Variants in ATP6V1E1 observed in about 807,000 individuals in gnomAD.
ATP6V1E1 encodes the protein V-type proton ATPase subunit E 1.
ATP6V1E1 carries 21 observed loss-of-function variants against 35.2 expected under a neutral mutation model. That is an observed-to-expected ratio of 0.60 (90% confidence interval 0.42 to 0.86). The LOEUF (loss-of-function observed/expected upper bound fraction) is 0.86. Ranked by LOEUF, ATP6V1E1 falls within the 40% of genes least tolerant of loss-of-function variation. The pLI is 0.00. For missense variants in ATP6V1E1, 183 were observed against 272.6 expected (o/e 0.67, Z 2.32); for synonymous variants, 83 against 87.8 (o/e 0.95, Z 0.30).
At position 17,605,081 on chromosome 22, in the gene ATP6V1E1, G is replaced by A. The variant is rs1230589680; in HGVS notation, c.277-3900C>T. ...AAATACAAAAAATTAGTAGGGCATG[G>A]TGAATCCCAGCTACTGGGGAGGCTG... On this transcript the variant is annotated intron_variant, in intron 4 of 8. Coordinates refer to ENST00000253413, the MANE Select transcript of ATP6V1E1 (RefSeq NM_001696.4). Among the ~76,000 whole-genome samples, 5 of 150,510 alleles carry A rather than the reference G, an allele frequency of 3.3e-5. No homozygotes were observed. In the East Asian group the frequency reaches 9.9e-4, roughly 30 times the overall value.
chr22:17,618,093 A>G (rs2057855845), intron 2 of ATP6V1E1, among the ~76,000 whole-genome samples: 1 of 152,230 alleles, frequency 6.6e-6, no homozygotes, highest in Admixed American at 6.5e-5. Flanking sequence ...TACAGGCGTG[A>G]GCCACCAATC....
Position 17,592,538 on chromosome 22 carries a change from AG to A in ATP6V1E1, c.*135del. ...CAATTAGGCAAGGCATGAGTGACAG[AG>A]GGGCATCGCTGATAAATACAGAGCA... On this transcript the variant is annotated 3_prime_UTR_variant, in exon 9 of 9. Transcript: ENST00000253413. 1.1e-6 allele frequency: 1 copy of A among 892,238 alleles called. No homozygotes were observed. Among genetic ancestry groups the A allele is most frequent in the Admixed American group, 2.0e-5 (1 of 50,650 alleles). The allele number at this position is 892,238 out of a possible 1,614,324, so 55.3% of individuals were successfully genotyped here. A position where few individuals can be genotyped will look rare whatever the true frequency, so the allele number is the denominator to read the frequency against.
intron 4 of ATP6V1E1, among the ~76,000 whole-genome samples, chr22:17,604,998 C>T (rs1473341841): frequency 2.0e-5 from 3 of 151,730 alleles, no homozygotes; most frequent in African/African-American, 4.8e-5. Flanking sequence ...GGTGCATCAC[C>T]TGAGGTCAGG....
At chr22:17,618,741 T>C (rs1214713787) in intron 2 of ATP6V1E1, among the ~76,000 whole-genome samples, 2 of 150,830 alleles carry the variant, frequency 1.3e-5, no homozygotes, top group Non-Finnish European at 2.9e-5. Context: ...GTTTCACACC[T>C]GTAATCCCAG....
At chr22:17,611,324 G>A (rs1288647413) in intron 4 of ATP6V1E1, among the ~76,000 whole-genome samples, 1 of 152,130 alleles carries the variant, frequency 6.6e-6, no homozygotes, top group Admixed American at 6.5e-5. Context: ...ATTTTAAAGG[G>A]GATGAACTAA....
At chr22:17,619,403 CA>C in intron 2 of ATP6V1E1, 57 bp downstream of exon 2, 1 of 1,458,260 alleles carries the variant, frequency 6.9e-7, no homozygotes, top group Non-Finnish European at 9.4e-7. Flanking sequence ...TATTATTTAG[CA>C]AAGCAAAACA....
intron 4 of ATP6V1E1, among the ~76,000 whole-genome samples, chr22:17,605,285 C>T: frequency 6.6e-6 from 1 of 150,916 alleles, no homozygotes; most frequent in East Asian, 1.9e-4. Flanking sequence ...AATCCCAGCA[C>T]TTTGGCAGGC....
At chr22:17,618,972 T>A in intron 2 of ATP6V1E1, 1 of 450,940 alleles carries the variant, frequency 2.2e-6, no homozygotes, top group Non-Finnish European at 4.4e-6. Flanking sequence ...TGCACTGCAG[T>A]CCCAGTGACG....
At chr22:17,613,459 G>T in intron 2 of ATP6V1E1, 139 bp from the exon 3 acceptor site, 1 of 691,168 alleles carries the variant, frequency 1.4e-6, no homozygotes. Flanking sequence ...TCATTTTCAA[G>T]GATTCTAATT....
chr22:17,614,926 G>A (rs890245803), intron 2 of ATP6V1E1, among the ~76,000 whole-genome samples: 15 of 150,404 alleles, frequency 1.0e-4, no homozygotes, highest in Admixed American at 4.0e-4. Context: ...CCGAGATCGC[G>A]CCTGGGCAGC....
At chr22:17,625,849 C>T (rs2057901439) in intron 1 of ATP6V1E1, among the ~76,000 whole-genome samples, 2 of 150,498 alleles carry the variant, frequency 1.3e-5, no homozygotes, top group South Asian at 4.2e-4. Flanking sequence ...TACCTACAGA[C>T]TTGAAGGTAT....
intron 8 of ATP6V1E1, 111 bp downstream of exon 8, chr22:17,594,418 C>T: frequency 1.1e-6 from 1 of 895,336 alleles, no homozygotes; most frequent in Non-Finnish European, 1.6e-6. Context: ...AGAAAATGTC[C>T]AAAACTGGAA....
chr22:17,601,819 C>G (rs561165992), intron 4 of ATP6V1E1, among the ~76,000 whole-genome samples: 1 of 152,348 alleles, frequency 6.6e-6, no homozygotes, highest in South Asian at 2.1e-4. Context: ...GTTGGCCAGG[C>G]TCGTCTCTAA....
chr22:17,612,894 G>A lies in ATP6V1E1; in HGVS notation c.210-16C>T. ...GGACATCTGACTGCAAAACGGTATT[G>A]AAAAATAGCATTAGTAACAACTTAA... On this transcript the variant is annotated splice_polypyrimidine_tract_variant and intron_variant, in intron 3 of 8. Coordinates refer to ENST00000253413, the MANE Select transcript of ATP6V1E1 (RefSeq NM_001696.4). The A allele has an allele frequency of 1.3e-6, 2 of 1,596,302 alleles. No homozygotes were observed. The highest frequency in any genetic ancestry group is 2.3e-5 in the South Asian group (2 of 87,756).
chr22:17,628,423 C>G (rs2057936067), intron 1 of ATP6V1E1, among the ~76,000 whole-genome samples, 180 bp downstream of exon 1: 1 of 152,272 alleles, frequency 6.6e-6, no homozygotes, highest in Admixed American at 6.5e-5. Flanking sequence ...GAGCAAAAGT[C>G]ACATGAGCTG....
chr22:17,598,672 G>C (rs542564310), intron 6 of ATP6V1E1, among the ~76,000 whole-genome samples: 2 of 152,238 alleles, frequency 1.3e-5, no homozygotes, highest in Admixed American at 1.3e-4. Flanking sequence ...GCTTCAACTG[G>C]CAGTTGCAGA....
chr22:17,628,564 T>A (rs1314389728), intron 1 of ATP6V1E1, 39 bp downstream of exon 1: 6 of 1,613,776 alleles, frequency 3.7e-6, no homozygotes, highest in Non-Finnish European at 5.1e-6. Flanking sequence ...TCCCCGGGAC[T>A]GCCGCCGCGG....
chr22:17,594,507 CAAG>C lies in ATP6V1E1; in HGVS notation c.618+19_618+21del. ...TTCAAAGTAACAGCAGACCAACTAC[CAAG>C]AAGTACCCCCACACTCACCTGCTGG... On this transcript the variant is annotated intron_variant, in intron 8 of 8. Transcript: ENST00000253413. 6.6e-7 allele frequency: 1 copy of C among 1,517,780 alleles called. No homozygotes were observed. Among genetic ancestry groups the C allele is most frequent in the Non-Finnish European group, 8.9e-7 (1 of 1,129,048 alleles). 94.0% of individuals were successfully genotyped at this position (1,517,780 alleles called of 1,614,324 possible).
chr22:17,599,143 T>C (rs1230048780), intron 6 of ATP6V1E1, among the ~76,000 whole-genome samples: 4 of 152,168 alleles, frequency 2.6e-5, no homozygotes, highest in African/African-American at 7.2e-5. Flanking sequence ...AGAGTTAGTG[T>C]TTAATGAGCA....
Sources: gnomAD v4.1 joint callset for allele counts (sites outside exome capture counted in the v4.1 genomes callset) on GRCh38, gnomAD v4.1.1 for gene constraint, MANE v1.5 for transcripts, NCBI Gene and HGNC (gene_info 2026-07-23, HGNC 2026-07-21) for gene names.